SPTBN1: variants seen among roughly 807,000 people sequenced by gnomAD.
SPTBN1 encodes the protein spectrin beta, non-erythrocytic 1.
A neutral mutation model predicts 266.4 loss-of-function variants in SPTBN1; 32 were observed. The observed-to-expected ratio is 0.12, with a 90% confidence interval of 0.09 to 0.16. The LOEUF is 0.16. Ranked by LOEUF, SPTBN1 falls within the 10% of genes least tolerant of loss-of-function variation. SPTBN1 has a pLI of 1.00. For missense variants in SPTBN1, 2,296 were observed against 3,067.1 expected (o/e 0.75, Z 5.94); for synonymous variants, 1,336 against 1,162.2 (o/e 1.15, Z -3.04).
At chr2:54,517,790 C>A (rs1398959650) in intron 1 of SPTBN1, among the ~76,000 whole-genome samples, 1 of 151,864 alleles carries the variant, frequency 6.6e-6, no homozygotes, top group Non-Finnish European at 1.5e-5. Flanking sequence ...GGATTATAGG[C>A]GCCCGCCACC....
At chr2:54,487,878 G>T (rs1191122198) in intron 1 of SPTBN1, among the ~76,000 whole-genome samples, 2 of 99,952 alleles carry the variant, frequency 2.0e-5, no homozygotes, top group African/African-American at 7.7e-5. Flanking sequence ...CACCCAGGCT[G>T]GAGTGCAGTG....
At chr2:54,543,594 T>G (rs1672062766) in intron 2 of SPTBN1, among the ~76,000 whole-genome samples, 1 of 151,246 alleles carries the variant, frequency 6.6e-6, no homozygotes, top group Admixed American at 6.6e-5. Flanking sequence ...AAATACTTGT[T>G]TTTTTTTTAA....
At position 54,478,983 on chromosome 2, in the gene SPTBN1, A is replaced by T. The variant is rs80009366; in HGVS notation, c.-48+22465A>T. On this transcript the variant is annotated intron_variant, in intron 1 of 35. Transcript: ENST00000356805. ...ATTGTGTATGGAACTAAAAGCCAGA[A>T]CCTACTGCATGTCCACCTTTGTTTT... Among the ~76,000 whole-genome samples the T allele has an allele frequency of 1.1e-4, 16 of 152,278 alleles. No homozygotes were observed. In the East Asian group the frequency reaches 2.9e-3, roughly 28 times the overall value.
chr2:54,488,441 C>G (rs1289264318), intron 1 of SPTBN1, among the ~76,000 whole-genome samples: 1 of 152,138 alleles, frequency 6.6e-6, no homozygotes, highest in Admixed American at 6.5e-5. Context: ...CTAAAATCCT[C>G]TTCTTTTTAT....
intron 1 of SPTBN1, among the ~76,000 whole-genome samples, chr2:54,516,921 AGG>A (rs1331941496): frequency 6.6e-6 from 1 of 152,198 alleles, no homozygotes; most frequent in Non-Finnish European, 1.5e-5. Context: ...GCAGCCTTCC[AGG>A]TCATAGGTAG....
chr2:54,459,617 C>G (rs1160556831), intron 1 of SPTBN1, among the ~76,000 whole-genome samples: 1 of 152,060 alleles, frequency 6.6e-6, no homozygotes, highest in Non-Finnish European at 1.5e-5. Context: ...TTTTTACGTG[C>G]AATGACATGA....
chr2:54,501,820 G>T (rs1289797076), intron 1 of SPTBN1, among the ~76,000 whole-genome samples: 2 of 152,206 alleles, frequency 1.3e-5, no homozygotes, highest in Admixed American at 6.5e-5. Flanking sequence ...GTGCAAAGGT[G>T]GGGGACTGGG....
chr2:54,600,479 TAAG>T (rs897430204), intron 3 of SPTBN1, among the ~76,000 whole-genome samples: 2 of 152,172 alleles, frequency 1.3e-5, no homozygotes, highest in Non-Finnish European at 2.9e-5. Context: ...ATGATGGCTA[TAAG>T]AAGGCAGTTG....
chr2:54,460,649 T>C (rs892751731), intron 1 of SPTBN1, among the ~76,000 whole-genome samples: 1 of 152,236 alleles, frequency 6.6e-6, no homozygotes, highest in African/African-American at 2.4e-5. Context: ...CTTAGAGTTC[T>C]TTTTTGAATC....
chr2:54,658,108 C>G, intron 30 of SPTBN1, 62 bp downstream of exon 30: 2 of 1,588,896 alleles, frequency 1.3e-6, no homozygotes, highest in Non-Finnish European at 1.7e-6. Context: ...TCCTGCTTGC[C>G]TCTTAGACCA....
chr2:54,637,701 C>T lies in SPTBN1; in HGVS notation c.3768-12C>T, dbSNP rs1200278042. ...CCTTTTTTAAAAATTATTTTTGTTA[C>T]CATTCTAATAGACATAGGAAGAATC... On this transcript the variant is annotated splice_polypyrimidine_tract_variant and intron_variant, in intron 17 of 35. Transcript: ENST00000356805. 6.3e-7 allele frequency: 1 copy of T among 1,596,544 alleles called. No homozygotes were observed. Among genetic ancestry groups the T allele is most frequent in the Non-Finnish European group, 8.6e-7 (1 of 1,168,598 alleles).
chr2:54,593,810 T>C (rs145675836), intron 2 of SPTBN1, among the ~76,000 whole-genome samples: 4 of 144,648 alleles, frequency 2.8e-5, no homozygotes, highest in African/African-American at 9.9e-5. Flanking sequence ...CTAAGTCTTG[T>C]ATCATGGAAA....
chr2:54,653,456 CTCCCCAGTGAAAT>C lies in SPTBN1; in HGVS notation c.5578-151_5578-139del. 1 of 1,230,784 alleles carries C rather than the reference CTCCCCAGTGAAAT, an allele frequency of 8.1e-7. No individual in the cohort carries two copies. Among genetic ancestry groups the C allele is most frequent in the Non-Finnish European group, 1.1e-6 (1 of 908,182 alleles). The allele number at this position is 1,230,784 out of a possible 1,614,324, so 76.2% of individuals were successfully genotyped here. A position where few individuals can be genotyped will look rare whatever the true frequency, so the allele number is the denominator to read the frequency against. Reference sequence around the variant, plus strand: ...GAAAACGGGTTTTTGTGACTTGGATCTCCCCAGTGAAATTGAGGGCTCCTTAAGGGGCATGGGC... The same window carrying C: ...GAAAACGGGTTTTTGTGACTTGGATCTGAGGGCTCCTTAAGGGGCATGGGC... On this transcript the variant is annotated intron_variant, in intron 26 of 35. Transcript: ENST00000356805. The surrounding 1 kb of genome is among the most constrained non-coding windows in gnomAD (Gnocchi z 5.1).
At position 54,664,366 on chromosome 2, in the gene SPTBN1, A is replaced by C; in HGVS notation, c.6421-87A>C. 1 of 1,360,412 alleles carries C rather than the reference A, an allele frequency of 7.4e-7. No individual in the cohort carries two copies. Among genetic ancestry groups the C allele is most frequent in the Non-Finnish European group, 1.0e-6 (1 of 976,686 alleles). 84.3% of individuals were successfully genotyped at this position (1,360,412 alleles called of 1,614,324 possible). A position where few individuals can be genotyped will look rare whatever the true frequency, so the allele number is the denominator to read the frequency against. ...CTCGATCTGTGCCAGGCATTTATAC[A>C]CAGCCACATGTGCGAGTCAGGTAGA... On this transcript the variant is annotated intron_variant, in intron 32 of 35. Coordinates refer to ENST00000356805, the MANE Select transcript of SPTBN1 (RefSeq NM_003128.3). This position sits in a 1 kb window ranked among gnomAD's most constrained non-coding sequence, Gnocchi z 5.6.
At position 54,628,199 on chromosome 2, in the gene SPTBN1, C is replaced by A. The variant is rs1215130610; in HGVS notation, c.1747C>A (p.Arg583=). 4 of 1,613,922 alleles carry A rather than the reference C, an allele frequency of 2.5e-6. No homozygotes were observed. Among genetic ancestry groups the A allele is most frequent in the African/African-American group, 2.7e-5 (2 of 75,022 alleles). Residue 583 remains arginine (R), a synonymous_variant, in exon 13 of 36, where the codon CGG becomes AGG. Transcript: ENST00000356805. The surrounding 1 kb of genome is among the most constrained non-coding windows in gnomAD (Gnocchi z 4.3). ...VEADIGIQAE[R]VRGVNASAQK... ...AGCAGACATTGGCATCCAGGCAGAG[C>A]GGGTGAGAGGTGTCAATGCCTCCGC...
At chr2:54,630,524 T>G (rs1678659653) in intron 15 of SPTBN1, among the ~76,000 whole-genome samples, 1 of 152,156 alleles carries the variant, frequency 6.6e-6, no homozygotes, top group Non-Finnish European at 1.5e-5. Flanking sequence ...TTGGAAAACG[T>G]TCATTAGGTA....
At position 54,584,260 on chromosome 2, in the gene SPTBN1, TTTAA is replaced by T. The variant is rs1301664836; in HGVS notation, c.149-14828_149-14825del. Among the ~76,000 whole-genome samples the T allele has an allele frequency of 2.0e-5, 3 of 152,236 alleles. No homozygotes were observed. In the South Asian group the frequency reaches 6.2e-4, roughly 31 times the overall value. On this transcript the variant is annotated intron_variant, in intron 2 of 35. Transcript: ENST00000356805. ...ATTATTTTATAAGGATGTCCCGTATTTTAATTATTCAACCTATTAATGTATATTT... is the reference window on the plus strand; with the variant it reads ...ATTATTTTATAAGGATGTCCCGTATTTTATTCAACCTATTAATGTATATTT...
At chr2:54,463,599 A>G (rs1471017458) in intron 1 of SPTBN1, among the ~76,000 whole-genome samples, 1 of 152,228 alleles carries the variant, frequency 6.6e-6, no homozygotes, top group Non-Finnish European at 1.5e-5. Context: ...TCGTAATGAG[A>G]GTATCTACCA....
chr2:54,608,934 A>G (rs1206376799), intron 3 of SPTBN1, among the ~76,000 whole-genome samples: 3 of 152,202 alleles, frequency 2.0e-5, no homozygotes, highest in African/African-American at 4.8e-5. Flanking sequence ...TAGAAAAGGA[A>G]GAGAAAATAT....
Sources: allele counts gnomAD v4.1 joint callset (sites outside exome capture counted in the v4.1 genomes callset), GRCh38; gene constraint gnomAD v4.1.1; non-coding constraint Gnocchi (gnomAD v3.1); transcripts MANE v1.5; gene names NCBI Gene and HGNC (gene_info 2026-07-23, HGNC 2026-07-21).